Variants in LARGE1 observed in about 807,000 individuals in gnomAD.
LARGE1 encodes the protein LARGE xylosyl- and glucuronyltransferase 1, also known as xylosyl- and glucuronyltransferase LARGE1.
Under a neutral mutation model 87.6 loss-of-function variants are expected in LARGE1, and 43 were observed. The ratio of observed to expected loss-of-function variants is 0.49; its 90% CI spans 0.38 to 0.63. The LOEUF (loss-of-function observed/expected upper bound fraction) is 0.63, where lower values mean the gene tolerates loss of function less well. Among genes scored for constraint, LARGE1 ranks in the 30% least tolerant of loss-of-function variants. The pLI is 0.00. For missense variants in LARGE1, 802 were observed against 1,000.2 expected, an observed-to-expected ratio of 0.80 and a Z score of 2.67; for synonymous variants, 434 against 394.6, an observed-to-expected ratio of 1.10 and a Z score of -1.18.
chr22:33,589,775 T>C (rs2078783553), intron 5 of LARGE1, among the ~76,000 whole-genome samples: 2 of 152,236 alleles, frequency 1.3e-5, no homozygotes, highest in Non-Finnish European at 2.9e-5. Flanking sequence ...TCCTCTTCTG[T>C]TGATACCAAA....
chr22:33,630,473 A>C (rs535266814), intron 3 of LARGE1, among the ~76,000 whole-genome samples: 9 of 152,346 alleles, frequency 5.9e-5, no homozygotes, highest in African/African-American at 2.2e-4. Flanking sequence ...ACTAGAGTCT[A>C]CTGCTCCTAG....
chr22:33,262,843 C>T (rs1026537305), intron 11 of LARGE1, among the ~76,000 whole-genome samples: 91 of 150,528 alleles, frequency 6.0e-4, no homozygotes, highest in African/African-American at 2.1e-3. Context: ...TTCACTCCCT[C>T]CCTCCTTTCT....
rs1157708172 is a variant in LARGE1 at position 33,283,342 on chromosome 22, A to G, written c.1737T>C (p.Ser579=). ...MYGLYEYLRK[S]VIQLDLANTK... ...TGTTGGCAAGATCGAGCTGGATGAC[A>G]GACTTCCTGAAAAGAGGGGACAGGC... The change falls in exon 13 of 15, where the codon TCT becomes TCC. Residue 579 remains serine, a synonymous_variant. Transcript: ENST00000397394. 2 of 1,614,090 alleles carry G rather than the reference A, an allele frequency of 1.2e-6. No homozygotes were observed. Among genetic ancestry groups the G allele is most frequent in the African/African-American group, 2.7e-5 (2 of 74,930 alleles).
chr22:33,803,544 C>T (rs779424254), intron 1 of LARGE1, among the ~76,000 whole-genome samples: 1 of 152,158 alleles, frequency 6.6e-6, no homozygotes, highest in African/African-American at 2.4e-5. Flanking sequence ...CCAGACTCAG[C>T]ATGTAGATGT....
intron 2 of LARGE1, chr22:33,657,315 A>G (rs1603016187): frequency 6.6e-6 from 1 of 152,206 alleles, no homozygotes; most frequent in African/African-American, 2.4e-5. Flanking sequence ...CTGTCACTAA[A>G]GCCTGCCAAT....
intron 8 of LARGE1, among the ~76,000 whole-genome samples, chr22:33,383,664 T>C (rs2147129170): frequency 6.6e-6 from 1 of 152,352 alleles, no homozygotes; most frequent in African/African-American, 2.4e-5. Flanking sequence ...TTGCAGTTTA[T>C]TCTTTCTATT....
At chr22:33,114,479 G>A in the LARGE1 span, among the ~76,000 whole-genome samples, 1 of 152,168 alleles carries the variant, frequency 6.6e-6, no homozygotes, top group Non-Finnish European at 1.5e-5. Context: ...CCCATGTTTA[G>A]TTATTATTAT....
At chr22:33,587,239 C>A (rs531149821) in intron 5 of LARGE1, among the ~76,000 whole-genome samples, 1 of 152,290 alleles carries the variant, frequency 6.6e-6, no homozygotes, top group East Asian at 1.9e-4. Context: ...TGCAAACAAA[C>A]AATACCATGA....
At chr22:33,741,281 G>C (rs1051028999) in intron 2 of LARGE1, among the ~76,000 whole-genome samples, 1 of 152,078 alleles carries the variant, frequency 6.6e-6, no homozygotes, top group African/African-American at 2.4e-5. Flanking sequence ...AAGCTCCCTT[G>C]GGTAGGTTAA....
chr22:33,087,435 C>T, the LARGE1 span, among the ~76,000 whole-genome samples: 2 of 152,014 alleles, frequency 1.3e-5, no homozygotes, highest in Non-Finnish European at 2.9e-5. Flanking sequence ...TGAATCAATC[C>T]ATCCACACTG....
intron 3 of LARGE1, among the ~76,000 whole-genome samples, chr22:33,629,869 AC>A (rs1205207323): frequency 6.6e-6 from 1 of 151,640 alleles, no homozygotes; most frequent in East Asian, 1.9e-4. Context: ...AGAGTTCGAG[AC>A]CCGCCTGGCC....
At chr22:33,248,323 GACCACAGGTGCGTGCC>G (rs1168889258) in intron 11 of LARGE1, among the ~76,000 whole-genome samples, 1 of 152,084 alleles carries the variant, frequency 6.6e-6, no homozygotes, top group Non-Finnish European at 1.5e-5. Context: ...GAGTAGCTAG[GACCACAGGTGCGTGCC>G]ACCACACCTA....
chr22:33,799,905 A>G (rs1400259560), intron 1 of LARGE1, among the ~76,000 whole-genome samples: 1 of 152,160 alleles, frequency 6.6e-6, no homozygotes, highest in East Asian at 1.9e-4. Context: ...TGAAGTAGGA[A>G]CTAGAATTTG....
chr22:33,431,508 G>A (rs1326488491), intron 7 of LARGE1, among the ~76,000 whole-genome samples: 5 of 152,114 alleles, frequency 3.3e-5, no homozygotes, highest in African/African-American at 1.2e-4. Context: ...GGCACATGTG[G>A]TCCTCAAAAG....
chr22:33,670,311 C>G (rs906507757), intron 2 of LARGE1, among the ~76,000 whole-genome samples: 2 of 151,856 alleles, frequency 1.3e-5, no homozygotes, highest in African/African-American at 2.4e-5. Flanking sequence ...GGACAGAGTG[C>G]TGAAGTAGCA....
intron 2 of LARGE1, among the ~76,000 whole-genome samples, chr22:33,717,242 T>C (rs1284094070): frequency 1.3e-5 from 2 of 152,130 alleles, no homozygotes; most frequent in African/African-American, 4.8e-5. Flanking sequence ...GTGCACCATG[T>C]ATTTATTGAT....
At chr22:33,338,382 G>A (rs1333120821) in intron 9 of LARGE1, among the ~76,000 whole-genome samples, 1 of 151,932 alleles carries the variant, frequency 6.6e-6, no homozygotes, top group Non-Finnish European at 1.5e-5. Flanking sequence ...CCTACTTCTC[G>A]GCCCAGTGAT....
intron 13 of LARGE1, 82 bp from the exon 14 acceptor site, chr22:33,277,337 G>T: frequency 7.6e-7 from 1 of 1,322,952 alleles, no homozygotes; most frequent in Non-Finnish European, 1.1e-6. Flanking sequence ...GGAAGAAGGG[G>T]TGTACACTGA....
intron 1 of LARGE1, among the ~76,000 whole-genome samples, chr22:33,766,247 C>G (rs1005148698): frequency 2.6e-5 from 4 of 152,104 alleles, no homozygotes; most frequent in Non-Finnish European, 5.9e-5. Context: ...ACCTGTTAAC[C>G]CAGGTGTCTA....
Sources: allele counts gnomAD v4.1 joint callset (sites outside exome capture counted in the v4.1 genomes callset), GRCh38; gene constraint gnomAD v4.1.1; transcripts MANE v1.5; gene names NCBI Gene and HGNC (gene_info 2026-07-23, HGNC 2026-07-21).